BTBD9: variants seen among roughly 807,000 people sequenced by gnomAD.
BTBD9 encodes BTB/POZ domain-containing protein 9.
In BTBD9, 49 loss-of-function variants were observed where a neutral mutation model predicts 64.3. The ratio of observed to expected loss-of-function variants is 0.76; its 90% CI spans 0.61 to 0.97. The LOEUF (loss-of-function observed/expected upper bound fraction) is 0.97. BTBD9 is among the 50% of genes least tolerant of loss of function. BTBD9 has a pLI of 0.00. For missense variants in BTBD9, 598 were observed against 762.1 expected (o/e 0.78, Z 2.53); for synonymous variants, 260 against 274.7 (o/e 0.95, Z 0.53).
chr6:38,255,080 T>C (rs1764531391), intron 9 of BTBD9, among the ~76,000 whole-genome samples: 1 of 152,136 alleles, frequency 6.6e-6, no homozygotes, highest in African/African-American at 2.4e-5. Flanking sequence ...TATTCAGCCA[T>C]AAAAAATGAA....
intron 10 of BTBD9, among the ~76,000 whole-genome samples, chr6:38,182,707 G>A (rs1761615173): frequency 6.6e-6 from 1 of 152,202 alleles, no homozygotes. Context: ...GCACAGCAAT[G>A]GGACACATCT....
intron 7 of BTBD9, among the ~76,000 whole-genome samples, chr6:38,296,951 T>C (rs986083144): frequency 6.6e-6 from 1 of 152,324 alleles, no homozygotes; most frequent in East Asian, 1.9e-4. Context: ...TATGTGTGCC[T>C]CAAAAGAATG....
chr6:38,588,395 C>T, intron 4 of BTBD9: 4 of 826,148 alleles, frequency 4.8e-6, no homozygotes, highest in Non-Finnish European at 8.5e-6. Flanking sequence ...CCAAGCCAAC[C>T]TGGGGCCTAT....
Position 38,516,556 on chromosome 6 carries a change from G to A in BTBD9, c.1154+61044C>T, listed in dbSNP as rs75328972. Among the ~76,000 whole-genome samples, 884 of 152,256 alleles carry A rather than the reference G, an allele frequency of 5.8e-3. 9 individuals are homozygous for A. The highest frequency in any genetic ancestry group is 0.032 in the East Asian group (164 of 5,172). On this transcript the variant is annotated intron_variant, in intron 6 of 10. Transcript: ENST00000481247. ...CTGCCCAGTGTAGGCAATTCAGAAC[G>A]GGTCAAGAGCATTCAGTAGGTGACA...
intron 6 of BTBD9, among the ~76,000 whole-genome samples, chr6:38,369,474 C>G (rs369857307): frequency 2.0e-5 from 3 of 152,184 alleles, no homozygotes; most frequent in African/African-American, 7.2e-5. Context: ...CATCTGAGGA[C>G]AGTTCACTCT....
intron 6 of BTBD9, among the ~76,000 whole-genome samples, chr6:38,352,272 G>A (rs934533544): frequency 6.6e-6 from 1 of 152,000 alleles, no homozygotes; most frequent in Non-Finnish European, 1.5e-5. Context: ...AGCTACTTGG[G>A]AGACTGAGGT....
At chr6:38,293,617 G>A (rs1285621085) in intron 7 of BTBD9, among the ~76,000 whole-genome samples, 4 of 152,176 alleles carry the variant, frequency 2.6e-5, no homozygotes, top group African/African-American at 7.2e-5. Flanking sequence ...CTAGCCACAT[G>A]CAGAAAACTG....
At chr6:38,486,644 T>G (rs890331531) in intron 6 of BTBD9, among the ~76,000 whole-genome samples, 2 of 152,186 alleles carry the variant, frequency 1.3e-5, no homozygotes, top group Non-Finnish European at 2.9e-5. Flanking sequence ...GTTTGTGATG[T>G]TCCAAAACAA....
intron 6 of BTBD9, among the ~76,000 whole-genome samples, chr6:38,527,411 CAT>C (rs993746302): frequency 6.6e-6 from 1 of 151,748 alleles, no homozygotes; most frequent in African/African-American, 2.4e-5. Flanking sequence ...GTAATCCCCA[CAT>C]GTCAAGGGAG....
chr6:38,560,078 A>C (rs1363909879), intron 6 of BTBD9, among the ~76,000 whole-genome samples: 1 of 152,228 alleles, frequency 6.6e-6, no homozygotes, highest in Non-Finnish European at 1.5e-5. Context: ...GACATGTAGG[A>C]CCTAATTAAA....
chr6:38,292,976 G>A (rs1179947491), intron 7 of BTBD9, among the ~76,000 whole-genome samples: 2 of 152,088 alleles, frequency 1.3e-5, no homozygotes, highest in African/African-American at 4.8e-5. Context: ...ATTTCCCTCT[G>A]AACACTGCTT....
intron 6 of BTBD9, among the ~76,000 whole-genome samples, chr6:38,562,981 A>C (rs1247992309): frequency 6.6e-6 from 1 of 152,184 alleles, no homozygotes; most frequent in Non-Finnish European, 1.5e-5. Context: ...GAGTGTTGCC[A>C]GGGCTGATGG....
chr6:38,382,408 G>C (rs1355346046), intron 6 of BTBD9, among the ~76,000 whole-genome samples: 1 of 151,334 alleles, frequency 6.6e-6, no homozygotes, highest in Non-Finnish European at 1.5e-5. Context: ...AGCTTTTACA[G>C]AACACATTTA....
At chr6:38,459,857 T>C (rs1448992660) in intron 6 of BTBD9, among the ~76,000 whole-genome samples, 1 of 152,226 alleles carries the variant, frequency 6.6e-6, no homozygotes, top group Non-Finnish European at 1.5e-5. Context: ...AGTCAATATG[T>C]AGCCTTTGAT....
chr6:38,418,402 C>G (rs1385978481), intron 6 of BTBD9, among the ~76,000 whole-genome samples: 2 of 152,100 alleles, frequency 1.3e-5, no homozygotes, highest in Non-Finnish European at 2.9e-5. Context: ...TCTACCACTT[C>G]CACTCTGCTC....
chr6:38,613,214 A>T (rs1777669270), intron 1 of BTBD9, among the ~76,000 whole-genome samples: 2 of 152,212 alleles, frequency 1.3e-5, no homozygotes, highest in South Asian at 4.1e-4. Flanking sequence ...AGAAATTTTA[A>T]AATTACATAC....
intron 6 of BTBD9, among the ~76,000 whole-genome samples, chr6:38,498,776 T>C (rs752497351): frequency 4.9e-4 from 75 of 152,296 alleles, no homozygotes; most frequent in Non-Finnish European, 2.1e-4. Context: ...ACCCTCTACT[T>C]TGGTAACCCC....
chr6:38,259,193 T>G (rs560228459), intron 8 of BTBD9, among the ~76,000 whole-genome samples: 81 of 152,322 alleles, frequency 5.3e-4, no homozygotes, highest in African/African-American at 1.9e-3. Context: ...GCCAAATGTT[T>G]CCATTACTCT....
chr6:38,612,453 T>G (rs561300761), intron 1 of BTBD9, among the ~76,000 whole-genome samples: 1 of 152,312 alleles, frequency 6.6e-6, no homozygotes, highest in Non-Finnish European at 1.5e-5. Context: ...AAAAGATAAC[T>G]GCAACTCCTT....
Sources: gnomAD v4.1 joint callset for allele counts (sites outside exome capture counted in the v4.1 genomes callset) on GRCh38, gnomAD v4.1.1 for gene constraint, MANE v1.5 for transcripts, NCBI Gene and HGNC (gene_info 2026-07-23, HGNC 2026-07-21) for gene names.